Variants in COL21A1 observed in about 807,000 individuals in gnomAD.
COL21A1 encodes the protein collagen type XXI alpha 1 chain, also known as collagen alpha-1(XXI) chain.
COL21A1 carries 149 observed loss-of-function variants against 137.9 expected under a neutral mutation model. The ratio of observed to expected loss-of-function variants is 1.08; its 90% confidence interval spans 0.95 to 1.24. COL21A1 has a LOEUF of 1.24. COL21A1 is among the 50% of genes most tolerant of loss of function. The pLI is 0.00. For missense variants in COL21A1, 1,167 were observed against 1,158.4 expected (o/e 1.01, Z -0.11); for synonymous variants, 456 against 391.5 (o/e 1.16, Z -1.95).
At chr6:56,272,012 T>C (rs1016144570) in intron 1 of COL21A1, among the ~76,000 whole-genome samples, 1 of 152,192 alleles carries the variant, frequency 6.6e-6, no homozygotes, top group Non-Finnish European at 1.5e-5. Context: ...GAACCTCTAC[T>C]AGGGCAGTGC....
intron 1 of COL21A1, among the ~76,000 whole-genome samples, chr6:56,234,920 A>T (rs200206035): frequency 9.3e-5 from 14 of 151,106 alleles, no homozygotes; most frequent in African/African-American, 3.2e-4. Flanking sequence ...AAAACACAAC[A>T]TCTTCCCCTG....
intron 12 of COL21A1, among the ~76,000 whole-genome samples, chr6:56,128,059 G>A (rs757641403): frequency 1.8e-4 from 27 of 152,160 alleles, no homozygotes; most frequent in Non-Finnish European, 3.4e-4. Flanking sequence ...TGTGCTGGAA[G>A]GTCTTTAGGA....
Position 56,057,749 on chromosome 6 carries a change from C to CT in COL21A1, c.2781dup (p.Gly928ArgfsTer16). The stretch of plus-strand genomic sequence containing the variant: ...CAGATGCCTGGGGGGCCTGGTTGCC[C>CT]TTGGATTCCAGGTTTTCCATGGTCT... On this transcript the variant is annotated frameshift_variant, in exon 30 of 30. Transcript: ENST00000244728. LOFTEE classifies it high-confidence loss of function. 1 of 1,611,984 alleles carries CT rather than the reference C, an allele frequency of 6.2e-7. No homozygotes were observed. The highest frequency in any genetic ancestry group is 8.5e-7 in the Non-Finnish European group (1 of 1,179,082).
At position 56,064,632 on chromosome 6, in the gene COL21A1, A is replaced by T. The variant is rs1336430177; in HGVS notation, c.2128-10T>A. ...TTTCTCCCTTTTGACCCTTTAAAAT[A>T]AAAAAAAACATTATTGATTAGTTTG... On this transcript the variant is annotated splice_polypyrimidine_tract_variant and intron_variant, in intron 23 of 29. Transcript: ENST00000244728. The T allele has an allele frequency of 6.5e-7, 1 of 1,532,872 alleles. No homozygotes were observed. Among genetic ancestry groups the T allele is most frequent in the South Asian group, 1.2e-5 (1 of 82,806 alleles). 95.0% of individuals were successfully genotyped at this position (1,532,872 alleles called of 1,614,324 possible). A position where few individuals can be genotyped will look rare whatever the true frequency, so the allele number is the denominator to read the frequency against.
chr6:56,285,084 C>A (rs1763874987), intron 1 of COL21A1, among the ~76,000 whole-genome samples: 1 of 152,296 alleles, frequency 6.6e-6, no homozygotes, highest in South Asian at 2.1e-4. Context: ...TTCTTCCTAT[C>A]CCTCCCAGAA....
chr6:56,261,382 T>A (rs1763270161), intron 1 of COL21A1, among the ~76,000 whole-genome samples: 2 of 152,200 alleles, frequency 1.3e-5, no homozygotes, highest in Admixed American at 6.5e-5. Flanking sequence ...AATTCACATG[T>A]TGAAATCTTA....
Position 56,345,094 on chromosome 6 carries a change from C to T in COL21A1, c.-39+48877G>A, listed in dbSNP as rs574552280. 2.6e-5 allele frequency among the ~76,000 whole-genome samples: 4 copies of T among 152,192 alleles called. No homozygotes were observed. In the South Asian group the frequency reaches 8.3e-4, roughly 32 times the overall value. On this transcript the variant is annotated intron_variant, in intron 1 of 28. Transcript: ENST00000370819. The stretch of plus-strand genomic sequence containing the variant: ...TGCACAGGTGAACAAGGAACTTATC[C>T]TGTAAGACCTTACCAGTTAACAAGG...
intron 9 of COL21A1, among the ~76,000 whole-genome samples, chr6:56,164,172 AC>A (rs1776395316): frequency 6.6e-6 from 1 of 152,208 alleles, no homozygotes; most frequent in Non-Finnish European, 1.5e-5. Context: ...GGGGAAAAAA[AC>A]AACCAAACAA....
rs144821612 is a variant in COL21A1, at chr6:56,084,079, T to C, written c.1813-6506A>G. 9.9e-5 allele frequency among the ~76,000 whole-genome samples: 15 copies of C among 152,030 alleles called. No individual in the cohort carries two copies. The East Asian group carries it at 2.9e-3, about 29-fold the overall frequency. On this transcript the variant is annotated intron_variant, in intron 17 of 29. Transcript: ENST00000244728. ...AAAGTCTGAATCAATCAGAAACCCA[T>C]TTTAAACATCAGATTTGGTGAAACA...
intron 1 of COL21A1, among the ~76,000 whole-genome samples, chr6:56,346,968 G>A (rs1765610981): frequency 6.6e-6 from 1 of 152,122 alleles, no homozygotes; most frequent in African/African-American, 2.4e-5. Flanking sequence ...CCCTGCCACA[G>A]CCTCTTGCAG....
intron 13 of COL21A1, 66 bp from the exon 14 acceptor site, chr6:56,125,686 T>C: frequency 1.9e-6 from 2 of 1,053,172 alleles, no homozygotes; most frequent in South Asian, 1.9e-5. Context: ...AAAGAAAAAA[T>C]ACAGATTATA....
intron 17 of COL21A1, among the ~76,000 whole-genome samples, chr6:56,090,604 T>G (rs1184853992): frequency 6.6e-6 from 1 of 152,166 alleles, no homozygotes; most frequent in Non-Finnish European, 1.5e-5. Context: ...ATTTACATTA[T>G]TTTAGATAAA....
intron 1 of COL21A1, among the ~76,000 whole-genome samples, chr6:56,341,608 A>C (rs1175695748): frequency 6.6e-6 from 1 of 152,240 alleles, no homozygotes; most frequent in Non-Finnish European, 1.5e-5. Context: ...TGGGGCACAG[A>C]GGATTTAATG....
At chr6:56,260,580 A>G (rs1221430333) in intron 1 of COL21A1, among the ~76,000 whole-genome samples, 2 of 48,646 alleles carry the variant, frequency 4.1e-5, no homozygotes, top group African/African-American at 9.1e-5. Context: ...TCAAAAAAAA[A>G]AAAGAAAGAA....
At chr6:56,182,399 C>T in intron 2 of COL21A1, 132 bp downstream of exon 2, 2 of 624,980 alleles carry the variant, frequency 3.2e-6, no homozygotes, top group Non-Finnish European at 5.6e-6. Flanking sequence ...CATAGCAATT[C>T]ATTTATTTTA....
intron 1 of COL21A1, chr6:56,276,807 G>GT (rs367712707): frequency 0.26 from 237,433 of 907,504 alleles, 35,202 homozygotes; most frequent in East Asian, 0.58. Context: ...TGTTTTTTTT[G>GT]TTTTTTTTGT....
Position 56,087,055 on chromosome 6 carries a change from C to T in COL21A1, c.1813-9482G>A, listed in dbSNP as rs1768321927. On this transcript the variant is annotated intron_variant, in intron 17 of 29. Coordinates refer to ENST00000244728, the MANE Select transcript of COL21A1 (RefSeq NM_030820.4). ...GATCCATATCTTGGGACCCTTGTCC[C>T]TTCACCTTTTGTTTTGTTTTGTTTT... is the stretch of plus-strand genomic sequence containing the variant. Among the ~76,000 whole-genome samples, 4 of 144,162 alleles carry T rather than the reference C, an allele frequency of 2.8e-5. No individual in the cohort carries two copies. In the South Asian group the frequency reaches 9.4e-4, roughly 34 times the overall value. 94.6% of individuals were successfully genotyped at this position (144,162 alleles called of 152,430 possible).
At chr6:56,258,996 A>G (rs1426494129) in intron 1 of COL21A1, among the ~76,000 whole-genome samples, 1 of 152,170 alleles carries the variant, frequency 6.6e-6, no homozygotes, top group Non-Finnish European at 1.5e-5. Context: ...CCAAAACTAA[A>G]AATACCCATT....
At chr6:56,205,675 C>G (rs1779729570) in intron 1 of COL21A1, among the ~76,000 whole-genome samples, 2 of 152,136 alleles carry the variant, frequency 1.3e-5, no homozygotes, top group Non-Finnish European at 2.9e-5. Context: ...CCCCAGGACA[C>G]ATAATCGTCA....
Sources: allele counts gnomAD v4.1 joint callset (sites outside exome capture counted in the v4.1 genomes callset), GRCh38; gene constraint gnomAD v4.1.1; transcripts MANE v1.5; gene names NCBI Gene and HGNC (gene_info 2026-07-23, HGNC 2026-07-21).